Variants in KCNIP4 observed in about 807,000 individuals in gnomAD.
The protein encoded by KCNIP4 is potassium voltage-gated channel interacting protein 4.
KCNIP4 carries 12 observed loss-of-function variants against 34.0 expected under a neutral mutation model. That is an observed-to-expected ratio of 0.35 (90% confidence interval 0.23 to 0.57). The LOEUF (loss-of-function observed/expected upper bound fraction) is 0.57, where lower values mean the gene tolerates loss of function less well. KCNIP4 is among the 20% of genes least tolerant of loss of function. The pLI, the probability that KCNIP4 is intolerant of heterozygous loss-of-function variation, is 0.83. For missense variants in KCNIP4, 238 were observed against 311.7 expected, an observed-to-expected ratio of 0.76 and a Z score of 1.78; for synonymous variants, 124 against 102.2, an observed-to-expected ratio of 1.21 and a Z score of -1.29.
chr4:21,661,642 G>C (rs746709632), intron 1 of KCNIP4, among the ~76,000 whole-genome samples: 4 of 152,144 alleles, frequency 2.6e-5, no homozygotes, highest in African/African-American at 4.8e-5. Flanking sequence ...GGCTCAGAGT[G>C]ATGAGCCAAA....
intron 1 of KCNIP4, among the ~76,000 whole-genome samples, chr4:21,185,927 C>T (rs1755192444): frequency 6.6e-6 from 1 of 152,288 alleles, no homozygotes; most frequent in Admixed American, 6.5e-5. Context: ...ATTTCTGACC[C>T]CTTAACTACA....
intron 1 of KCNIP4, among the ~76,000 whole-genome samples, chr4:21,797,202 C>T (rs973668143): frequency 2.0e-5 from 3 of 152,178 alleles, no homozygotes; most frequent in African/African-American, 7.2e-5. Flanking sequence ...GACTAAAGTG[C>T]AGTGGCGTGA....
intron 1 of KCNIP4, among the ~76,000 whole-genome samples, chr4:21,529,857 G>C (rs1736526574): frequency 6.6e-6 from 1 of 152,138 alleles, no homozygotes; most frequent in Non-Finnish European, 1.5e-5. Context: ...GGCATGTCTT[G>C]AAAACTTAAG....
At chr4:20,759,025 G>T (rs1445607551) in intron 3 of KCNIP4, 135 bp from the exon 4 acceptor site, 3 of 616,924 alleles carry the variant, frequency 4.9e-6, no homozygotes, top group Non-Finnish European at 8.5e-6. Flanking sequence ...TATTACAAAG[G>T]GAATAAAAGC....
chr4:21,625,117 C>T (rs1348773962), intron 1 of KCNIP4, among the ~76,000 whole-genome samples: 1 of 151,924 alleles, frequency 6.6e-6, no homozygotes, highest in African/African-American at 2.4e-5. Flanking sequence ...ATGATCATGA[C>T]TTTGTTGGTC....
chr4:21,157,762 C>A (rs1427974634), intron 1 of KCNIP4, among the ~76,000 whole-genome samples: 2 of 151,972 alleles, frequency 1.3e-5, no homozygotes. Flanking sequence ...TCTACCTTAA[C>A]AATAACATTT....
intron 5 of KCNIP4, among the ~76,000 whole-genome samples, chr4:20,743,767 A>C (rs1338485127): frequency 6.6e-6 from 1 of 152,184 alleles, no homozygotes; most frequent in East Asian, 1.9e-4. Context: ...AAAATTGACA[A>C]ATGGGATCTA....
chr4:20,844,347 T>C (rs940305899), intron 3 of KCNIP4, among the ~76,000 whole-genome samples: 1 of 152,208 alleles, frequency 6.6e-6, no homozygotes, highest in Non-Finnish European at 1.5e-5. Context: ...CTTACCTTAA[T>C]TCTAAAGTAC....
chr4:20,790,708 T>C (rs1029143123), intron 3 of KCNIP4, among the ~76,000 whole-genome samples: 13 of 152,144 alleles, frequency 8.5e-5, no homozygotes, highest in Non-Finnish European at 1.8e-4. Context: ...AAATAACTTA[T>C]TCAAAAGAAG....
At chr4:21,599,911 A>T (rs1560550012) in intron 1 of KCNIP4, among the ~76,000 whole-genome samples, 1 of 152,100 alleles carries the variant, frequency 6.6e-6, no homozygotes, top group Non-Finnish European at 1.5e-5. Context: ...TGACGACAAT[A>T]GAGACACAGC....
At chr4:21,172,482 A>G (rs1312687043) in intron 1 of KCNIP4, among the ~76,000 whole-genome samples, 1 of 152,206 alleles carries the variant, frequency 6.6e-6, no homozygotes, top group Non-Finnish European at 1.5e-5. Context: ...TGGGATTGAA[A>G]TGAAAATAAT....
intron 1 of KCNIP4, among the ~76,000 whole-genome samples, chr4:21,804,949 G>T (rs1285475083): frequency 6.6e-6 from 1 of 152,086 alleles, no homozygotes; most frequent in East Asian, 1.9e-4. Context: ...TGACAACAGA[G>T]AAATGACTAC....
At chr4:21,539,117 A>T (rs1024158803) in intron 1 of KCNIP4, among the ~76,000 whole-genome samples, 2 of 152,162 alleles carry the variant, frequency 1.3e-5, no homozygotes, top group Non-Finnish European at 2.9e-5. Flanking sequence ...AAGTTTCCTG[A>T]GGCCTCTCCA....
At chr4:21,495,154 T>C (rs1016235121) in intron 1 of KCNIP4, among the ~76,000 whole-genome samples, 1 of 151,148 alleles carries the variant, frequency 6.6e-6, no homozygotes, top group Non-Finnish European at 1.5e-5. Flanking sequence ...CTGGTACCTT[T>C]CACTATTCGT....
At chr4:20,959,159 G>A (rs1004073525) in intron 1 of KCNIP4, among the ~76,000 whole-genome samples, 1 of 152,222 alleles carries the variant, frequency 6.6e-6, no homozygotes, top group Non-Finnish European at 1.5e-5. Context: ...TGCTATCCAA[G>A]AGTAGCATAA....
At chr4:21,407,176 T>C (rs1163993147) in intron 1 of KCNIP4, among the ~76,000 whole-genome samples, 1 of 151,742 alleles carries the variant, frequency 6.6e-6, no homozygotes, top group African/African-American at 2.4e-5. Flanking sequence ...TTGCTTTGTT[T>C]TATTTAGTAT....
chr4:21,321,147 G>A (rs542224488), intron 1 of KCNIP4, among the ~76,000 whole-genome samples: 10 of 152,172 alleles, frequency 6.6e-5, no homozygotes, highest in African/African-American at 2.2e-4. Context: ...GTAATGAACT[G>A]GCAAGATAAA....
At chr4:21,033,580 A>G (rs1336438647) in intron 1 of KCNIP4, among the ~76,000 whole-genome samples, 1 of 152,226 alleles carries the variant, frequency 6.6e-6, no homozygotes, top group Non-Finnish European at 1.5e-5. Flanking sequence ...CAGAGGAGAC[A>G]GTGAAAACCA....
At chr4:21,394,887 C>T (rs1722855745) in intron 1 of KCNIP4, among the ~76,000 whole-genome samples, 2 of 152,246 alleles carry the variant, frequency 1.3e-5, no homozygotes, top group Non-Finnish European at 2.9e-5. Flanking sequence ...AGCTCTCATG[C>T]TTTGGCATTC....
Sources: gnomAD v4.1 joint callset for allele counts (sites outside exome capture counted in the v4.1 genomes callset) on GRCh38, gnomAD v4.1.1 for gene constraint, MANE v1.5 for transcripts, NCBI Gene and HGNC (gene_info 2026-07-23, HGNC 2026-07-21) for gene names.